Variants in SAXO1 observed in about 807,000 individuals in gnomAD.
The protein encoded by SAXO1 is 4930500O09Rik.
In SAXO1, 21 loss-of-function variants were observed where a neutral mutation model predicts 17.5. The ratio of observed to expected loss-of-function variants is 1.20; its 90% CI spans 0.85 to 1.72. The LOEUF is 1.72. Ranked by LOEUF, SAXO1 falls within the 40% of genes most tolerant of loss-of-function variation. The pLI is 0.00. For synonymous variants in SAXO1, 274 were observed against 216.5 expected, an observed-to-expected ratio of 1.27 and a Z score of -2.33; for missense variants, 843 against 596.0, an observed-to-expected ratio of 1.41 and a Z score of -4.32.
intron 1 of SAXO1, among the ~76,000 whole-genome samples, chr9:18,988,889 C>A (rs936251592): frequency 6.6e-6 from 1 of 152,116 alleles, no homozygotes; most frequent in Non-Finnish European, 1.5e-5. Context: ...CATACAGCAA[C>A]CCAAATCATG....
intron 3 of SAXO1, among the ~76,000 whole-genome samples, chr9:18,930,986 C>G (rs1388886896): frequency 6.6e-6 from 1 of 152,126 alleles, no homozygotes; most frequent in African/African-American, 2.4e-5. Flanking sequence ...GTATACACAC[C>G]AACACTAGTG....
intron 1 of SAXO1, among the ~76,000 whole-genome samples, chr9:18,981,415 G>C (rs1388787895): frequency 6.6e-6 from 1 of 152,150 alleles, no homozygotes; most frequent in Non-Finnish European, 1.5e-5. Context: ...GCAAACACTA[G>C]AACTCAGGCT....
At chr9:19,038,085 A>G (rs894031972), upstream of SAXO1, among the ~76,000 whole-genome samples, 2 of 152,236 alleles carry the variant, frequency 1.3e-5, no homozygotes, top group African/African-American at 2.4e-5. Context: ...TAGAATGGCA[A>G]TCATTAAAAA....
chr9:18,999,889 C>T (rs867472200), intron 1 of SAXO1, among the ~76,000 whole-genome samples: 3 of 131,338 alleles, frequency 2.3e-5, no homozygotes, highest in African/African-American at 5.9e-5. Context: ...TCTACCCAGC[C>T]GCCCCACCAT....
chr9:18,941,571 C>A, intron 3 of SAXO1, 66 bp downstream of exon 3: 1 of 1,587,718 alleles, frequency 6.3e-7, no homozygotes, highest in Non-Finnish European at 8.6e-7. Flanking sequence ...ACATAAAACA[C>A]ATTTCCTGGC....
intron 3 of SAXO1, among the ~76,000 whole-genome samples, chr9:18,935,136 A>T (rs2131680545): frequency 6.6e-6 from 1 of 152,176 alleles, no homozygotes; most frequent in East Asian, 1.9e-4. Flanking sequence ...AAAAATACAA[A>T]ACCTCCTGAC....
At chr9:18,951,866 A>G (rs1221670325) in intron 1 of SAXO1, among the ~76,000 whole-genome samples, 1 of 152,162 alleles carries the variant, frequency 6.6e-6, no homozygotes, top group Non-Finnish European at 1.5e-5. Flanking sequence ...CATATCCTAA[A>G]TTTTTCATTC....
intron 1 of SAXO1, among the ~76,000 whole-genome samples, chr9:19,024,228 A>ACTGCC (rs1393524993): frequency 4.0e-5 from 6 of 151,568 alleles, no homozygotes; most frequent in African/African-American, 7.3e-5. Flanking sequence ...TGTCTCTCTG[A>ACTGCC]CTGCCCTGCC....
chr9:18,953,109 G>A (rs937246288), intron 1 of SAXO1, among the ~76,000 whole-genome samples: 64 of 152,254 alleles, frequency 4.2e-4, no homozygotes, highest in African/African-American at 1.5e-3. Flanking sequence ...ACCTCAGATC[G>A]AAAGCCAAGA....
chr9:18,938,821 CGTGTGTGTGTGT>C lies in SAXO1; in HGVS notation c.421+2804_421+2815del, dbSNP rs67090530. Among the ~76,000 whole-genome samples, 56 of 78,576 alleles carry C rather than the reference CGTGTGTGTGTGT, an allele frequency of 7.1e-4. No homozygotes were observed. In the South Asian group the frequency reaches 0.015, roughly 21 times the overall value. 51.5% of individuals were successfully genotyped at this position (78,576 alleles called of 152,430 possible). A position where few individuals can be genotyped will look rare whatever the true frequency, so the allele number is the denominator to read the frequency against. On this transcript the variant is annotated intron_variant, in intron 3 of 3. Coordinates refer to ENST00000380534, the MANE Select transcript of SAXO1 (RefSeq NM_153707.4). ...GTGTGGTGGGGTGCATGCGTGCGTGCGTGTGTGTGTGTGTGTGTGTGTGTGTGTGTGTATGTG... is the reference window on the plus strand; with the variant it reads ...GTGTGGTGGGGTGCATGCGTGCGTGCGTGTGTGTGTGTGTGTGTGTATGTG...
At chr9:18,974,598 C>T (rs1833063272) in intron 1 of SAXO1, among the ~76,000 whole-genome samples, 1 of 152,114 alleles carries the variant, frequency 6.6e-6, no homozygotes, top group African/African-American at 2.4e-5. Flanking sequence ...TGGGAGCCAA[C>T]TGGAAGGAGC....
intron 1 of SAXO1, among the ~76,000 whole-genome samples, chr9:19,046,628 G>T (rs974003118): frequency 1.3e-5 from 2 of 151,916 alleles, no homozygotes; most frequent in African/African-American, 2.4e-5. Context: ...CTTGAACCCG[G>T]CAGGCAGAGG....
intron 1 of SAXO1, among the ~76,000 whole-genome samples, chr9:19,044,771 G>A (rs545077710): frequency 2.6e-5 from 4 of 151,978 alleles, no homozygotes; most frequent in Admixed American, 2.0e-4. Flanking sequence ...GCTGAGGCAG[G>A]AGAATGGCGT....
At chr9:18,964,796 A>G (rs1832647347) in intron 1 of SAXO1, among the ~76,000 whole-genome samples, 1 of 152,086 alleles carries the variant, frequency 6.6e-6, no homozygotes, top group Admixed American at 6.5e-5. Flanking sequence ...ATCTTCTGCT[A>G]GCTTTTGAAT....
intron 1 of SAXO1, among the ~76,000 whole-genome samples, chr9:19,024,482 T>C (rs546862362): frequency 1.3e-5 from 2 of 152,110 alleles, no homozygotes; most frequent in East Asian, 3.9e-4. Flanking sequence ...TTAGGAGATA[T>C]ACCTAATGCT....
At chr9:18,944,762 G>C (rs1215382990) in intron 2 of SAXO1, among the ~76,000 whole-genome samples, 1 of 152,178 alleles carries the variant, frequency 6.6e-6, no homozygotes, top group Non-Finnish European at 1.5e-5. Context: ...CAAAAGGAAA[G>C]AGGAAATAAC....
rs373104875 is a variant in SAXO1 at position 18,928,553 on chromosome 9, C to A, written c.924G>T (p.Gln308His). 1.9e-6 allele frequency: 3 copies of A among 1,614,038 alleles called. 1 individual carries two copies. Among genetic ancestry groups the A allele is most frequent in the Middle Eastern group, 3.3e-4 (2 of 6,062 alleles). Residue 308 changes from glutamine (Q) to histidine (H), a missense_variant, in exon 4 of 4, where the codon CAG (glutamine) becomes CAT (histidine). Coordinates refer to ENST00000380534, the MANE Select transcript of SAXO1 (RefSeq NM_153707.4). ...CACCCTTAGGGCATGTGTAATGGGC[C>A]TGCACTGTTGTCAGAAGATCCATCC... ...EDRMDLLTTVQAHYTCPKGAP... is the reference protein window; with the variant it reads ...EDRMDLLTTVHAHYTCPKGAP...
intron 1 of SAXO1, among the ~76,000 whole-genome samples, chr9:19,029,979 G>A (rs1412251709): frequency 2.0e-5 from 3 of 152,172 alleles, no homozygotes; most frequent in Non-Finnish European, 4.4e-5. Flanking sequence ...CACAAAAATA[G>A]AAAATATCTG....
At chr9:18,979,187 T>C (rs1395202353) in intron 1 of SAXO1, among the ~76,000 whole-genome samples, 1 of 152,112 alleles carries the variant, frequency 6.6e-6, no homozygotes, top group Non-Finnish European at 1.5e-5. Flanking sequence ...AACCCAAGAT[T>C]GAGATAGACT....
Sources: allele counts gnomAD v4.1 joint callset (sites outside exome capture counted in the v4.1 genomes callset), GRCh38; gene constraint gnomAD v4.1.1; transcripts MANE v1.5; gene names NCBI Gene and HGNC (gene_info 2026-07-23, HGNC 2026-07-21).